Variants in C11orf54 observed in about 807,000 individuals in gnomAD.
C11orf54 encodes the protein beta-keto L-gulonate decarboxylase.
Under a neutral mutation model 35.5 loss-of-function variants are expected in C11orf54, and 29 were observed. That is an observed-to-expected ratio of 0.82 (90% CI 0.61 to 1.11). The LOEUF (loss-of-function observed/expected upper bound fraction) is 1.11. Among genes scored for constraint, C11orf54 ranks in the 50% most tolerant of loss-of-function variants. The pLI, the probability that C11orf54 is intolerant of heterozygous loss-of-function variation, is 0.00. For synonymous variants in C11orf54, 108 were observed against 121.1 expected (o/e 0.89, Z 0.71); for missense variants, 373 against 369.2 (o/e 1.01, Z -0.08).
chr11:93,749,526 A>AAAC (rs1942697591), intron 2 of C11orf54, among the ~76,000 whole-genome samples: 1 of 151,250 alleles, frequency 6.6e-6, no homozygotes, highest in Non-Finnish European at 1.5e-5. Context: ...AAAAAAAAAA[A>AAAC]ACTGTTGAGG....
chr11:93,748,430 GA>G (rs1239513224), intron 2 of C11orf54, among the ~76,000 whole-genome samples: 5 of 152,138 alleles, frequency 3.3e-5, no homozygotes, highest in Non-Finnish European at 7.4e-5. Context: ...TTACAGGCAT[GA>G]GCCACCATGC....
At chr11:93,755,519 A>G in intron 6 of C11orf54, 133 bp downstream of exon 6, 1 of 916,408 alleles carries the variant, frequency 1.1e-6, no homozygotes, top group South Asian at 1.7e-5. Context: ...CTGGGTGGAT[A>G]ACTTGAGGTC....
Position 93,754,018 on chromosome 11 carries a change from C to T in C11orf54, c.311C>T (p.Thr104Ile). 2 of 1,613,970 alleles carry T rather than the reference C, an allele frequency of 1.2e-6. No individual in the cohort carries two copies. Among genetic ancestry groups the T allele is most frequent in the Non-Finnish European group, 1.7e-6 (2 of 1,179,882 alleles). Residue 104 changes from threonine (T) to isoleucine (I), a missense_variant, in exon 5 of 9, where the codon ACT becomes ATT. Transcript: ENST00000354421. Reference protein sequence around the residue: ...ILGAGAGPFQTLGFNSEFMPV... With the variant: ...ILGAGAGPFQILGFNSEFMPV... ...GGAGCAGGAGCAGGTCCATTTCAGA[C>T]TCTCGGGTTCAATTCTGAGGTCAGC...
rs536025555 is a variant in C11orf54 at position 93,741,740 on chromosome 11, A to C, written c.-98+12A>C. The stretch of plus-strand genomic sequence containing the variant: ...CCGTGACCGTTTAGGTGAGTGGAAT[A>C]GCCAAGAACATTTCGGCAAATAACA... On this transcript the variant is annotated intron_variant, in intron 1 of 8. Coordinates refer to ENST00000354421, the MANE Select transcript of C11orf54 (RefSeq NM_001286069.2). 6 of 320,692 alleles carry C rather than the reference A, an allele frequency of 1.9e-5. No individual in the cohort carries two copies. Among genetic ancestry groups the C allele is most frequent in the Non-Finnish European group, 3.7e-5 (6 of 162,424 alleles). 19.9% of individuals were successfully genotyped at this position (320,692 alleles called of 1,614,324 possible). A position where few individuals can be genotyped will look rare whatever the true frequency, so the allele number is the denominator to read the frequency against.
intron 1 of C11orf54, chr11:93,745,910 AG>A (rs1454483612): frequency 6.6e-6 from 1 of 152,348 alleles, no homozygotes; most frequent in Non-Finnish European, 1.5e-5. Flanking sequence ...TGAACCTGGG[AG>A]GCGGAGGTTG....
intron 5 of C11orf54, chr11:93,754,882 T>C (rs764497884): frequency 5.7e-5 from 10 of 175,214 alleles, no homozygotes; most frequent in Non-Finnish European, 1.2e-4. Context: ...TACAGGTGTG[T>C]GCCACCACGC....
At chr11:93,748,475 A>T (rs757420770) in intron 2 of C11orf54, among the ~76,000 whole-genome samples, 6 of 152,052 alleles carry the variant, frequency 3.9e-5, no homozygotes, top group Admixed American at 6.6e-5. Flanking sequence ...GCTTTTCTAG[A>T]ATCTGTTTTC....
intron 1 of C11orf54, among the ~76,000 whole-genome samples, chr11:93,744,270 T>A (rs1942321660): frequency 6.6e-6 from 1 of 152,198 alleles, no homozygotes; most frequent in Non-Finnish European, 1.5e-5. Flanking sequence ...AATAAGTACA[T>A]TTCTAAACCA....
rs770126324 is a variant in C11orf54 at position 93,759,782 on chromosome 11, A to C, written c.698A>C (p.Glu233Ala). Residue 233 changes from glutamate (E) to alanine (A), a missense_variant, in exon 8 of 9, where the codon GAA becomes GCA. Transcript: ENST00000354421. The part of the protein sequence containing the change: ...FSSCPLNSDE[E>A]VNKWLHFYEM... ...TCCTGCCCCTTGAACTCTGATGAAG[A>C]AGTGAATAAATGGTTGCATTTTTAT... 27 of 1,609,772 alleles carry C rather than the reference A, an allele frequency of 1.7e-5. 1 individual carries two copies. In the South Asian group the frequency reaches 3.0e-4, roughly 18 times the overall value.
chr11:93,757,542 T>G, intron 7 of C11orf54, 77 bp downstream of exon 7: 1 of 1,474,182 alleles, frequency 6.8e-7, no homozygotes, highest in Admixed American at 2.2e-5. Flanking sequence ...GATTTTTTTT[T>G]TTTTTTAAAC....
chr11:93,742,944 T>C (rs1392431478), intron 1 of C11orf54: 1 of 152,188 alleles, frequency 6.6e-6, no homozygotes, highest in African/African-American at 2.4e-5. Flanking sequence ...GGAAGGAACA[T>C]TTAACTCCTA....
At chr11:93,751,429 A>G (rs1942822306) in intron 3 of C11orf54, among the ~76,000 whole-genome samples, 1 of 125,812 alleles carries the variant, frequency 7.9e-6, no homozygotes, top group Non-Finnish European at 1.6e-5. Context: ...TTTTTGAGAC[A>G]GAGTCTCACT....
chr11:93,754,280 A>G (rs1439457126), intron 5 of C11orf54, among the ~76,000 whole-genome samples: 2 of 152,212 alleles, frequency 1.3e-5, no homozygotes, highest in Non-Finnish European at 1.5e-5. Context: ...GCAGGGTTCT[A>G]TGGTATTCTG....
chr11:93,754,465 G>A (rs929147602), intron 5 of C11orf54, among the ~76,000 whole-genome samples: 80 of 152,190 alleles, frequency 5.3e-4, no homozygotes, highest in African/African-American at 1.8e-3. Flanking sequence ...TAGTATGATG[G>A]TTATTTATGA....
rs889399567 is a variant in C11orf54, at chr11:93,757,739, G to T, written c.657+274G>T. ...AGACAAGGTTTTGCCACATTGGCCA[G>T]ACTGGTGTCGAACTCCTGACCTCAG... On this transcript the variant is annotated intron_variant, in intron 7 of 8. Transcript: ENST00000354421. Among the ~76,000 whole-genome samples the T allele has an allele frequency of 6.6e-5, 10 of 152,252 alleles. No individual in the cohort carries two copies. In the South Asian group the frequency reaches 2.1e-3, roughly 32 times the overall value.
chr11:93,752,947 C>T (rs762898809), intron 3 of C11orf54, among the ~76,000 whole-genome samples: 2 of 151,880 alleles, frequency 1.3e-5, no homozygotes, highest in African/African-American at 2.4e-5. Context: ...GGGGTTTCAC[C>T]GTGTTAGCCA....
Position 93,757,459 on chromosome 11 carries a change from C to T in C11orf54, c.651C>T (p.His217=), listed in dbSNP as rs755678984. ...TTCAGAAGGGAAAAGTGAAGTCTCACATTATGGTAAGAGCCCATGTGTGCA... is the reference window on the plus strand; with the variant it reads ...TTCAGAAGGGAAAAGTGAAGTCTCATATTATGGTAAGAGCCCATGTGTGCA... ...FIIQKGKVKS[H]IMPAEFSSCP... Residue 217 remains histidine (H), a synonymous_variant, in exon 7 of 9, where the codon CAC becomes CAT. Coordinates refer to ENST00000354421, the MANE Select transcript of C11orf54 (RefSeq NM_001286069.2). 3 of 1,597,254 alleles carry T rather than the reference C, an allele frequency of 1.9e-6. No homozygotes were observed. Among genetic ancestry groups the T allele is most frequent in the Non-Finnish European group, 2.5e-6 (3 of 1,179,424 alleles).
At chr11:93,745,109 A>G (rs911159790) in intron 1 of C11orf54, among the ~76,000 whole-genome samples, 3 of 152,346 alleles carry the variant, frequency 2.0e-5, no homozygotes, top group Middle Eastern at 3.4e-3. Context: ...CTCCAGCCAC[A>G]GGGTGGTTTT....
At chr11:93,745,428 T>G (rs1197129243) in intron 1 of C11orf54, among the ~76,000 whole-genome samples, 2 of 152,184 alleles carry the variant, frequency 1.3e-5, no homozygotes, top group African/African-American at 2.4e-5. Flanking sequence ...AAGCATACAG[T>G]CTGCAAACAT....
Sources: gnomAD v4.1 joint callset for allele counts (sites outside exome capture counted in the v4.1 genomes callset) on GRCh38, gnomAD v4.1.1 for gene constraint, MANE v1.5 for transcripts, NCBI Gene and HGNC (gene_info 2026-07-23, HGNC 2026-07-21) for gene names.